The following RERE variants were observed in gnomAD, a reference collection of about 807,000 sequenced individuals.
RERE encodes arginine-glutamic acid dipeptide repeats.
In RERE, 40 loss-of-function variants were observed where a neutral mutation model predicts 146.1. The observed-to-expected ratio is 0.27, with a 90% CI of 0.21 to 0.36. RERE has a LOEUF of 0.36. Among genes scored for constraint, RERE ranks in the 10% least tolerant of loss-of-function variants. RERE has a pLI of 1.00. For missense variants in RERE, 1,933 were observed against 2,138.7 expected (o/e 0.90, Z 1.90); for synonymous variants, 1,003 against 866.0 (o/e 1.16, Z -2.78).
intron 11 of RERE, among the ~76,000 whole-genome samples, chr1:8,438,725 A>T (rs1033751397): frequency 6.6e-6 from 1 of 152,130 alleles, no homozygotes; most frequent in Non-Finnish European, 1.5e-5. Flanking sequence ...CAAGTACTCA[A>T]ATGTAGCGTT....
At chr1:8,440,882 G>C (rs1570242976) in intron 11 of RERE, among the ~76,000 whole-genome samples, 1 of 151,546 alleles carries the variant, frequency 6.6e-6, no homozygotes, top group African/African-American at 2.4e-5. Flanking sequence ...CGGTGACAGA[G>C]GGAGACTCCA....
chr1:8,529,287 C>CTTT lies in RERE; in HGVS notation c.830+11924_830+11926dup, dbSNP rs34547801. Among the ~76,000 whole-genome samples, 22 of 102,434 alleles carry CTTT rather than the reference C, an allele frequency of 2.1e-4. 2 individuals are homozygous for CTTT. Among genetic ancestry groups the CTTT allele is most frequent in the South Asian group, 1.3e-3 (4 of 3,170 alleles). 67.2% of individuals were successfully genotyped at this position (102,434 alleles called of 152,430 possible). A position where few individuals can be genotyped will look rare whatever the true frequency, so the allele number is the denominator to read the frequency against. ...CCTCCACAACCATCAGTTCTCCCTT[C>CTTT]TTTTTTTTTTTTTTTTTTTTGAGAT... On this transcript the variant is annotated intron_variant, in intron 7 of 22. Transcript: ENST00000400908.
chr1:8,746,995 G>T (rs1308455542), intron 1 of RERE, among the ~76,000 whole-genome samples: 3 of 151,156 alleles, frequency 2.0e-5, no homozygotes, highest in African/African-American at 7.3e-5. Context: ...GCAGAAGAGG[G>T]ACAGGATCTG....
chr1:8,701,763 A>G (rs1192841480), intron 1 of RERE, among the ~76,000 whole-genome samples: 1 of 152,148 alleles, frequency 6.6e-6, no homozygotes, highest in South Asian at 2.1e-4. Flanking sequence ...TCTTTATAAA[A>G]TAGTTTAAAC....
intron 1 of RERE, among the ~76,000 whole-genome samples, chr1:8,696,925 A>T (rs982569468): frequency 6.6e-6 from 1 of 150,436 alleles, no homozygotes; most frequent in African/African-American, 2.5e-5. Context: ...TAAAAAATAA[A>T]ATAAAAACAG....
At chr1:8,587,587 A>G (rs555934875) in intron 4 of RERE, among the ~76,000 whole-genome samples, 1 of 152,272 alleles carries the variant, frequency 6.6e-6, no homozygotes, top group Non-Finnish European at 1.5e-5. Context: ...AATTTGCTCT[A>G]TCTCTAATCT....
chr1:8,399,694 G>GT (rs1643179884), intron 12 of RERE, among the ~76,000 whole-genome samples: 1 of 152,138 alleles, frequency 6.6e-6, no homozygotes, highest in Non-Finnish European at 1.5e-5. Context: ...CAATGAGAGA[G>GT]TAAGGGGATC....
In RERE at chr1:8,512,012, C is replaced by CTT. The variant is rs1557666425; in HGVS notation, c.831-3338_831-3337insAA. The CTT allele has an allele frequency of 8.7e-5, 5 of 57,328 alleles. 1 individual carries two copies. The highest frequency in any genetic ancestry group is 1.9e-4 in the Non-Finnish European group (5 of 26,172). The allele number at this position is 57,328 out of a possible 1,614,324, so 3.6% of individuals were successfully genotyped here. ...CAGTATCAACAGCTTGTAGGAAACACTCTTTTTTTTTTTTTTTTTTTTTTT... is the reference window on the plus strand; with the variant it reads ...CAGTATCAACAGCTTGTAGGAAACACTTTCTTTTTTTTTTTTTTTTTTTTTTT... On this transcript the variant is annotated intron_variant, in intron 7 of 22. Transcript: ENST00000400908.
At chr1:8,559,291 A>AAAAAAAAAAAAAAC (rs1404131425) in intron 4 of RERE, among the ~76,000 whole-genome samples, 5 of 143,804 alleles carry the variant, frequency 3.5e-5, no homozygotes, top group Non-Finnish European at 7.6e-5. Flanking sequence ...AAAAAAAAAA[A>AAAAAAAAAAAAAAC]AAAAAAAAAA....
intron 1 of RERE, among the ~76,000 whole-genome samples, chr1:8,706,113 CAAAAAAAAAAAAAAA>C (rs61016240): frequency 2.9e-5 from 2 of 69,192 alleles, no homozygotes; most frequent in Non-Finnish European, 5.2e-5. Flanking sequence ...ACTCCGTCTC[CAAAAAAAAAAAAAAA>C]AAAAAAAAAA....
intron 1 of RERE, among the ~76,000 whole-genome samples, chr1:8,748,962 T>C (rs1480624876): frequency 2.0e-5 from 3 of 152,198 alleles, no homozygotes; most frequent in South Asian, 2.1e-4. Context: ...TGGGGGACAG[T>C]GATGATGGTA....
At chr1:8,607,846 T>A (rs1040831007) in intron 4 of RERE, among the ~76,000 whole-genome samples, 1 of 150,496 alleles carries the variant, frequency 6.6e-6, no homozygotes, top group Non-Finnish European at 1.5e-5. Flanking sequence ...CTGCCTCAAC[T>A]TCCTAAGTAG....
chr1:8,649,700 A>T lies in RERE; in HGVS notation c.325+6273T>A, dbSNP rs192909898. On this transcript the variant is annotated intron_variant, in intron 2 of 22. Transcript: ENST00000400908. ...AGCTGAGATTGCACCACTGCACTCCAGCCTGCATGACAGGGCAAGACTCCG... is the reference window on the plus strand; with the variant it reads ...AGCTGAGATTGCACCACTGCACTCCTGCCTGCATGACAGGGCAAGACTCCG... 9.6e-3 allele frequency among the ~76,000 whole-genome samples: 1,446 copies of T among 151,282 alleles called. 78 individuals carry two copies. Among genetic ancestry groups the T allele is most frequent in the Admixed American group, 0.084 (1,280 of 15,156 alleles).
At chr1:8,366,523 G>A (rs1336152227) in intron 12 of RERE, among the ~76,000 whole-genome samples, 1 of 152,140 alleles carries the variant, frequency 6.6e-6, no homozygotes, top group Non-Finnish European at 1.5e-5. Context: ...CAAACAGAAG[G>A]TGGGGAAGAA....
rs148184652 is a variant in RERE at position 8,528,830 on chromosome 1, A to G, written c.830+12384T>C. 4.1e-3 allele frequency among the ~76,000 whole-genome samples: 621 copies of G among 152,308 alleles called. 5 individuals are homozygous for G. Among genetic ancestry groups the G allele is most frequent in the African/African-American group, 0.014 (595 of 41,574 alleles). On this transcript the variant is annotated intron_variant, in intron 7 of 22. Coordinates refer to ENST00000400908, the MANE Select transcript of RERE (RefSeq NM_001042681.2). ...GACAGCAAAGATGGTAAACACAGACAGCAATACAGCAAAAAAAGAGATAGA... is the reference window on the plus strand; with the variant it reads ...GACAGCAAAGATGGTAAACACAGACGGCAATACAGCAAAAAAAGAGATAGA...
intron 1 of RERE, among the ~76,000 whole-genome samples, chr1:8,656,826 T>G (rs576832171): frequency 2.6e-5 from 4 of 152,182 alleles, no homozygotes; most frequent in African/African-American, 9.7e-5. Context: ...TAAAAATTAT[T>G]TCCAGGCCAG....
At chr1:8,806,320 T>C (rs1041671131) in intron 1 of RERE, among the ~76,000 whole-genome samples, 1 of 151,908 alleles carries the variant, frequency 6.6e-6, no homozygotes, top group African/African-American at 2.4e-5. Flanking sequence ...TCACCGGAGG[T>C]CAGGAGTTCA....
At chr1:8,373,198 T>C (rs527474943) in intron 12 of RERE, among the ~76,000 whole-genome samples, 1 of 152,330 alleles carries the variant, frequency 6.6e-6, no homozygotes, top group African/African-American at 2.4e-5. Context: ...GACACAAGAT[T>C]ATCTGTTCCT....
intron 10 of RERE, among the ~76,000 whole-genome samples, chr1:8,493,905 T>C (rs150849754): frequency 4.3e-4 from 65 of 152,288 alleles, no homozygotes; most frequent in African/African-American, 1.5e-3. Flanking sequence ...TTAGTAATGA[T>C]AGAGAGGAAT....
Sources: allele counts gnomAD v4.1 joint callset (sites outside exome capture counted in the v4.1 genomes callset), GRCh38; gene constraint gnomAD v4.1.1; transcripts MANE v1.5; gene names NCBI Gene and HGNC (gene_info 2026-07-23, HGNC 2026-07-21).